MEF2C: variants seen among roughly 807,000 people sequenced by gnomAD.
MEF2C encodes the protein myocyte enhancer factor 2C.
A neutral mutation model predicts 50.5 loss-of-function variants in MEF2C; 6 were observed. That is an observed-to-expected ratio of 0.12 (90% CI 0.07 to 0.23). The LOEUF (loss-of-function observed/expected upper bound fraction) is 0.23. Among genes scored for constraint, MEF2C ranks in the 10% least tolerant of loss-of-function variants. The pLI, the probability that MEF2C is intolerant of heterozygous loss-of-function variation, is 1.00. For missense variants in MEF2C, 276 were observed against 605.0 expected, an observed-to-expected ratio of 0.46 and a Z score of 5.70; for synonymous variants, 183 against 228.0, an observed-to-expected ratio of 0.80 and a Z score of 1.78.
chr5:88,720,708 T>C lies in MEF2C; in HGVS notation c.*1896A>G, dbSNP rs571356941. On this transcript the variant is annotated 3_prime_UTR_variant, in exon 11 of 11. Coordinates refer to ENST00000504921, the MANE Select transcript of MEF2C (RefSeq NM_002397.5). ...AGACTGAAATATCTTTTAAACAATA[T>C]ATATTGACTTTCTTATGGCACTCAC... 6.5e-5 allele frequency: 10 copies of C among 152,698 alleles called. No homozygotes were observed. The South Asian group carries it at 1.5e-3, about 22-fold the overall frequency. The allele number at this position is 152,698 out of a possible 1,614,324, so 9.5% of individuals were successfully genotyped here.
chr5:88,769,999 G>A (rs570697535), intron 3 of MEF2C: 3 of 985,348 alleles, frequency 3.0e-6, no homozygotes, highest in Non-Finnish European at 3.6e-6. Context: ...GGAATGCAAA[G>A]AATCAAGTTG....
intron 1 of MEF2C, among the ~76,000 whole-genome samples, chr5:88,899,317 G>C (rs1487624029): frequency 6.6e-6 from 1 of 152,116 alleles, no homozygotes; most frequent in African/African-American, 2.4e-5. Context: ...ATAGCAATAG[G>C]GATAGGGTGG....
chr5:88,746,679 T>C, intron 6 of MEF2C: 1 of 985,416 alleles, frequency 1.0e-6, no homozygotes, highest in Non-Finnish European at 1.2e-6. Context: ...TCTGGTGTTA[T>C]GTGATTCTCT....
intron 1 of MEF2C, among the ~76,000 whole-genome samples, chr5:88,871,833 A>C (rs1829606652): frequency 6.6e-6 from 1 of 152,094 alleles, no homozygotes; most frequent in Non-Finnish European, 1.5e-5. Context: ...AAATTAAGAC[A>C]AGTTCACTTA....
At chr5:88,815,509 C>A (rs972226189) in intron 2 of MEF2C, among the ~76,000 whole-genome samples, 1 of 152,056 alleles carries the variant, frequency 6.6e-6, no homozygotes, top group African/African-American at 2.4e-5. Context: ...TAGACTGGTT[C>A]TCTAATTCTT....
chr5:88,742,625 T>C (rs1391638329), intron 6 of MEF2C: 4 of 985,384 alleles, frequency 4.1e-6, no homozygotes, highest in African/African-American at 1.7e-5. Flanking sequence ...TTTCTTTTTT[T>C]CCTCTGGAAA....
chr5:88,892,922 G>C (rs1355322739), intron 1 of MEF2C, among the ~76,000 whole-genome samples: 3 of 152,174 alleles, frequency 2.0e-5, no homozygotes, highest in Non-Finnish European at 4.4e-5. Context: ...AAGCCTGCTG[G>C]GAAGGGGTAG....
intron 3 of MEF2C, chr5:88,771,469 T>C (rs752147070): frequency 6.1e-6 from 6 of 985,444 alleles, no homozygotes; most frequent in Non-Finnish European, 7.2e-6. Flanking sequence ...GGAACTCCCT[T>C]TTCTGTACCT....
At chr5:88,749,339 A>G (rs1004574590) in intron 5 of MEF2C, 13 of 983,634 alleles carry the variant, frequency 1.3e-5, no homozygotes, top group Middle Eastern at 5.2e-4. Flanking sequence ...TTTTTCTAAG[A>G]AAGTTACATT....
In MEF2C at chr5:88,843,246, C is replaced by CATTTCT. The variant is rs534867532; in HGVS notation, c.-142-19322_-142-19317dup. 3.0e-3 allele frequency: 1,984 copies of CATTTCT among 667,840 alleles called. 5 individuals are homozygous for CATTTCT. The highest frequency in any genetic ancestry group is 3.4e-3 in the Non-Finnish European group (1,845 of 546,414). The allele number at this position is 667,840 out of a possible 1,614,324, so 41.4% of individuals were successfully genotyped here. ...TTTAATTCTATGGTAAAAAAAAAAGCATTTCTATTTCTATTTGGGTATCTT... is the reference window on the plus strand; with the variant it reads ...TTTAATTCTATGGTAAAAAAAAAAGCATTTCTATTTCTATTTCTATTTGGGTATCTT... On this transcript the variant is annotated intron_variant, in intron 1 of 10. Coordinates refer to ENST00000504921, the MANE Select transcript of MEF2C (RefSeq NM_002397.5).
At chr5:88,728,929 TAAAC>T (rs969484019) in intron 9 of MEF2C, among the ~76,000 whole-genome samples, 2 of 152,204 alleles carry the variant, frequency 1.3e-5, no homozygotes, top group Admixed American at 1.3e-4. Context: ...GTAGAAATGT[TAAAC>T]AATCCTGAGA....
At chr5:88,898,268 CAA>C in intron 1 of MEF2C, among the ~76,000 whole-genome samples, 1 of 152,228 alleles carries the variant, frequency 6.6e-6, no homozygotes, top group South Asian at 2.1e-4. Context: ...ACCAGTTAAG[CAA>C]TATGGAAACC....
chr5:88,758,749 G>A (rs1776494646), intron 4 of MEF2C, among the ~76,000 whole-genome samples: 1 of 152,144 alleles, frequency 6.6e-6, no homozygotes, highest in Non-Finnish European at 1.5e-5. Context: ...AGACTCTGTG[G>A]CATAGCTCGG....
At chr5:88,893,881 C>G (rs1454938061) in intron 1 of MEF2C, among the ~76,000 whole-genome samples, 1 of 152,134 alleles carries the variant, frequency 6.6e-6, no homozygotes, top group African/African-American at 2.4e-5. Flanking sequence ...CACCAAAGTA[C>G]TGATTGAGTC....
At chr5:88,843,377 C>A in intron 1 of MEF2C, 1 of 984,986 alleles carries the variant, frequency 1.0e-6, no homozygotes, top group Non-Finnish European at 1.2e-6. Flanking sequence ...AAAGGTGAAC[C>A]AACAAATTGT....
At chr5:88,761,430 A>G (rs1171446484) in intron 3 of MEF2C, 102 bp from the exon 4 acceptor site, 3 of 1,344,764 alleles carry the variant, frequency 2.2e-6, no homozygotes, top group African/African-American at 2.9e-5. Flanking sequence ...AGGTTATTAC[A>G]TATGCTTTAT....
chr5:88,901,862 G>T (rs1835690529), intron 1 of MEF2C, among the ~76,000 whole-genome samples: 1 of 151,880 alleles, frequency 6.6e-6, no homozygotes, highest in African/African-American at 2.4e-5. Context: ...CAGCTAAAAT[G>T]ATAAATTTTA....
intron 9 of MEF2C, among the ~76,000 whole-genome samples, 176 bp from the exon 10 acceptor site, chr5:88,728,804 G>C (rs1431455305): frequency 1.3e-5 from 2 of 152,076 alleles, no homozygotes; most frequent in African/African-American, 2.4e-5. Flanking sequence ...AATTTAAAAG[G>C]AATATACTAT....
intron 3 of MEF2C, among the ~76,000 whole-genome samples, chr5:88,794,932 TG>T (rs1342076934): frequency 6.6e-6 from 1 of 152,224 alleles, no homozygotes; most frequent in Non-Finnish European, 1.5e-5. Flanking sequence ...TTGTCAGGTT[TG>T]TCAAAGATAA....
Sources: gnomAD v4.1 joint callset for allele counts (sites outside exome capture counted in the v4.1 genomes callset) on GRCh38, gnomAD v4.1.1 for gene constraint, MANE v1.5 for transcripts, NCBI Gene and HGNC (gene_info 2026-07-23, HGNC 2026-07-21) for gene names.